The following PRPF4 variants were observed in gnomAD, a reference collection of about 807,000 sequenced individuals.
PRPF4 encodes pre-mRNA splicing tri-snRNP complex factor PRPF4, also known as U4/U6 small nuclear ribonucleoprotein Prp4.
Under a neutral mutation model 72.2 loss-of-function variants are expected in PRPF4, and 14 were observed. That is an observed-to-expected ratio of 0.19 (90% CI 0.13 to 0.30). The LOEUF is 0.30. Among genes scored for constraint, PRPF4 ranks in the 10% least tolerant of loss-of-function variants. The pLI, the probability that PRPF4 is intolerant of heterozygous loss-of-function variation, is 1.00. For missense variants in PRPF4, 478 were observed against 653.9 expected, an observed-to-expected ratio of 0.73 and a Z score of 2.93; for synonymous variants, 225 against 232.2, an observed-to-expected ratio of 0.97 and a Z score of 0.28.
Position 113,276,734 on chromosome 9 carries a change from C to G in PRPF4, c.205+9C>G. ...TATTAATATAACCTCTGGTAAGATG[C>G]AAATTGTGAGCCCATCTTTACCTCT... On this transcript the variant is annotated intron_variant, in intron 2 of 13. Transcript: ENST00000374198. 1 of 1,599,640 alleles carries G rather than the reference C, an allele frequency of 6.3e-7. No homozygotes were observed. Among genetic ancestry groups the G allele is most frequent in the Non-Finnish European group, 8.5e-7 (1 of 1,172,342 alleles).
chr9:113,290,849 G>A (rs754585157), intron 12 of PRPF4, 42 bp downstream of exon 12: 6 of 1,611,880 alleles, frequency 3.7e-6, no homozygotes, highest in South Asian at 3.3e-5. Flanking sequence ...AAGGGTTCTG[G>A]GTCAGTAAGT....
chr9:113,287,152 G>A (rs1187496676), intron 9 of PRPF4, among the ~76,000 whole-genome samples: 1 of 152,060 alleles, frequency 6.6e-6, no homozygotes, highest in Admixed American at 6.5e-5. Context: ...TCATTCTTAG[G>A]CCTTTTCTTA....
chr9:113,286,841 G>C lies in PRPF4; in HGVS notation c.932+13G>C, dbSNP rs1241370051. 2.5e-6 allele frequency: 4 copies of C among 1,614,052 alleles called. No homozygotes were observed. The South Asian group carries it at 3.3e-5, about 13-fold the overall frequency. Reference sequence around the variant, plus strand: ...GGAGTCTCGACAGGTGAATATCACTGTTCTGTGGCCCATACTGCCATCACT... The same window carrying C: ...GGAGTCTCGACAGGTGAATATCACTCTTCTGTGGCCCATACTGCCATCACT... On this transcript the variant is annotated intron_variant, in intron 9 of 13. Coordinates refer to ENST00000374198, the MANE Select transcript of PRPF4 (RefSeq NM_001244926.2).
intron 2 of PRPF4, 96 bp downstream of exon 2, chr9:113,276,821 A>AC: frequency 9.2e-7 from 1 of 1,087,400 alleles, no homozygotes; most frequent in Non-Finnish European, 1.3e-6. Flanking sequence ...AAAAATTACA[A>AC]TTTTTTTTTT....
chr9:113,289,276 C>G (rs911962817), intron 10 of PRPF4, among the ~76,000 whole-genome samples: 2 of 152,166 alleles, frequency 1.3e-5, no homozygotes, highest in Non-Finnish European at 2.9e-5. Context: ...TGGGCTGTTT[C>G]CAGGTCTGGG....
chr9:113,283,251 T>C, intron 5 of PRPF4, 40 bp downstream of exon 5: 1 of 1,614,086 alleles, frequency 6.2e-7, no homozygotes, highest in East Asian at 2.2e-5. Context: ...GCATATTTTT[T>C]GTGTGTGTTT....
At chr9:113,281,976 C>A (rs1341049728) in intron 3 of PRPF4, among the ~76,000 whole-genome samples, 3 of 152,194 alleles carry the variant, frequency 2.0e-5, no homozygotes, top group Non-Finnish European at 2.9e-5. Context: ...ATAGTTAGCA[C>A]CTGAGTCAGT....
intron 6 of PRPF4, among the ~76,000 whole-genome samples, chr9:113,283,837 C>G (rs1832353832): frequency 6.6e-6 from 1 of 152,082 alleles, no homozygotes; most frequent in Admixed American, 6.6e-5. Flanking sequence ...GAGGCAGAGG[C>G]AGGCGGATGA....
At chr9:113,280,928 C>T (rs1485251200) in intron 3 of PRPF4, among the ~76,000 whole-genome samples, 1 of 152,120 alleles carries the variant, frequency 6.6e-6, no homozygotes, top group Non-Finnish European at 1.5e-5. Flanking sequence ...GCAACCTCCA[C>T]CTCCCAGGTA....
At position 113,290,766 on chromosome 9, in the gene PRPF4, C is replaced by A. The variant is rs1832586145; in HGVS notation, c.1212C>A (p.Gly404=). 6.2e-7 allele frequency: 1 copy of A among 1,614,012 alleles called. No homozygotes were observed. The highest frequency in any genetic ancestry group is 1.3e-5 in the African/African-American group (1 of 74,896). Residue 404 remains glycine (G), a synonymous_variant, in exon 12 of 14, where the codon GGC becomes GGA. Transcript: ENST00000374198. ...RTGRCIMFLE[G]HLKEIYGINF... ...GACGTTGTATCATGTTCTTAGAAGG[C>A]CACCTGAAAGAAATCTATGGAATAA...
chr9:113,277,493 C>T (rs1402738900), intron 2 of PRPF4, among the ~76,000 whole-genome samples: 2 of 152,026 alleles, frequency 1.3e-5, no homozygotes, highest in Admixed American at 6.6e-5. Flanking sequence ...TCAAGGGATT[C>T]TCCTGCCTCA....
At position 113,282,712 on chromosome 9, in the gene PRPF4, G is replaced by A. The variant is rs1832318337; in HGVS notation, c.459G>A (p.Lys153=). ...ALKKTKKDDE[K]SKKSKEEYQQ... is the part of the protein sequence containing the mutation. ...AAAAGACCAAAAAGGATGATGAGAA[G>A]TCTAAAAAGTCCAAAGAAGAGGTAG... is the stretch of plus-strand genomic sequence containing the variant. The change falls in exon 4 of 14, where the codon AAG becomes AAA. Residue 153 remains lysine, a synonymous_variant. Coordinates refer to ENST00000374198, the MANE Select transcript of PRPF4 (RefSeq NM_001244926.2). The A allele has an allele frequency of 1.2e-6, 2 of 1,608,388 alleles. No individual in the cohort carries two copies. Among genetic ancestry groups the A allele is most frequent in the East Asian group, 4.5e-5 (2 of 44,760 alleles).
intron 8 of PRPF4, 21 bp from the exon 9 acceptor site, chr9:113,286,684 G>T: frequency 6.2e-7 from 1 of 1,614,010 alleles, no homozygotes; most frequent in Non-Finnish European, 8.5e-7. Context: ...CTTTTAACTT[G>T]CATCTCTTAC....
intron 3 of PRPF4, among the ~76,000 whole-genome samples, chr9:113,279,826 A>G (rs1411504506): frequency 3.3e-5 from 5 of 152,234 alleles, no homozygotes; most frequent in Non-Finnish European, 2.9e-5. Flanking sequence ...TATCAATGAC[A>G]TAGAACAATG....
chr9:113,288,295 T>C lies in PRPF4; in HGVS notation c.1022+31T>C, dbSNP rs190722184. 2.9e-4 allele frequency: 467 copies of C among 1,595,844 alleles called. 4 individuals are homozygous for C. In the African/African-American group the frequency reaches 5.3e-3, roughly 18 times the overall value. Reference sequence around the variant, plus strand: ...CCATCCTGTTATTGTTTTATCCATATAGGCCTGTAGCATCTTCTTAACCCT... The same window carrying C: ...CCATCCTGTTATTGTTTTATCCATACAGGCCTGTAGCATCTTCTTAACCCT... On this transcript the variant is annotated intron_variant, in intron 10 of 13. Transcript: ENST00000374198.
rs758147656 is a variant in PRPF4, at chr9:113,286,228, A to T, written c.750-4A>T. ...GCTGAGATGCTTTCCTTTGTATTTG[A>T]TAGGAGTGGGCTTTGCAAGCTCTGG... is the stretch of plus-strand genomic sequence containing the variant. On this transcript the variant is annotated splice_region_variant and splice_polypyrimidine_tract_variant and intron_variant, in intron 7 of 13. Transcript: ENST00000374198. 42 of 1,613,870 alleles carry T rather than the reference A, an allele frequency of 2.6e-5. No individual in the cohort carries two copies. The highest frequency in any genetic ancestry group is 3.5e-5 in the Non-Finnish European group (41 of 1,179,948).
At position 113,291,867 on chromosome 9, in the gene PRPF4, A is replaced by G. The variant is rs1832617872; in HGVS notation, c.*207A>G. ...TGGGGAACCCCTCTCACGGTTGAAA[A>G]TTTATTACCTTTTTACGCCCTGCCA... On this transcript the variant is annotated 3_prime_UTR_variant, in exon 14 of 14. Coordinates refer to ENST00000374198, the MANE Select transcript of PRPF4 (RefSeq NM_001244926.2). The G allele has an allele frequency of 5.6e-6, 3 of 540,336 alleles. No homozygotes were observed. In the South Asian group the frequency reaches 7.1e-5, roughly 13 times the overall value. The allele number at this position is 540,336 out of a possible 1,614,324, so 33.5% of individuals were successfully genotyped here.
chr9:113,283,322 G>A, intron 5 of PRPF4, 67 bp from the exon 6 acceptor site: 2 of 1,612,884 alleles, frequency 1.2e-6, no homozygotes, highest in Non-Finnish European at 1.7e-6. Flanking sequence ...GAGGGGTAGA[G>A]TAGGGATACA....
intron 1 of PRPF4, 44 bp from the exon 2 acceptor site, chr9:113,276,504 G>T (rs1261185035): frequency 6.2e-7 from 1 of 1,606,676 alleles, no homozygotes; most frequent in South Asian, 1.1e-5. Flanking sequence ...CCGGTAAATT[G>T]CCAAGATTAA....
Sources: allele counts gnomAD v4.1 joint callset (sites outside exome capture counted in the v4.1 genomes callset), GRCh38; gene constraint gnomAD v4.1.1; transcripts MANE v1.5; gene names NCBI Gene and HGNC (gene_info 2026-07-23, HGNC 2026-07-21).